Variants in NOMO3 observed in about 807,000 individuals in gnomAD.
NOMO3 encodes the protein BOS complex subunit NOMO3.
A neutral mutation model predicts 69.9 loss-of-function variants in NOMO3; 15 were observed. The ratio of observed to expected loss-of-function variants is 0.21; its 90% CI spans 0.14 to 0.33. The LOEUF (loss-of-function observed/expected upper bound fraction) is 0.33. Among genes scored for constraint, NOMO3 ranks in the 10% least tolerant of loss-of-function variants. The pLI, the probability that NOMO3 is intolerant of heterozygous loss-of-function variation, is 1.00. For missense variants in NOMO3, 218 were observed against 761.0 expected, an observed-to-expected ratio of 0.29 and a Z score of 8.39; for synonymous variants, 89 against 301.9, an observed-to-expected ratio of 0.29 and a Z score of 7.31.
In NOMO3 at chr16:16,232,584, G is replaced by A. The variant is rs1297551350; in HGVS notation, c.-83G>A. The A allele has an allele frequency of 1.3e-6, 1 of 798,166 alleles. No individual in the cohort carries two copies. Among genetic ancestry groups the A allele is most frequent in the East Asian group, 3.6e-5 (1 of 27,604 alleles). 49.4% of individuals were successfully genotyped at this position (798,166 alleles called of 1,614,324 possible). A position where few individuals can be genotyped will look rare whatever the true frequency, so the allele number is the denominator to read the frequency against. ...GGGGCCTGGGCTGTCAGCCGGCCTA[G>A]GAGGAGGAAGGAGCCTGCGGCGTGC... On this transcript the variant is annotated 5_prime_UTR_variant, in exon 1 of 31. Transcript: ENST00000399336.
intron 1 of NOMO3, among the ~76,000 whole-genome samples, chr16:16,235,091 A>G (rs1281396764): frequency 6.6e-6 from 1 of 151,588 alleles, no homozygotes; most frequent in East Asian, 1.9e-4. Context: ...TACCTAGAGT[A>G]AGCTAGACAC....
intron 3 of NOMO3, among the ~76,000 whole-genome samples, chr16:16,241,655 G>A (rs1318216499): frequency 2.7e-4 from 31 of 116,226 alleles, no homozygotes; most frequent in Middle Eastern, 3.9e-3. Context: ...TGATCTGCCC[G>A]CTTTGGCCTC....
At chr16:16,238,301 C>T (rs1183378427) in intron 2 of NOMO3, among the ~76,000 whole-genome samples, 2 of 135,816 alleles carry the variant, frequency 1.5e-5, no homozygotes, top group Non-Finnish European at 3.1e-5. Flanking sequence ...GGCGCGATCT[C>T]GGCTCACTGC....
rs1195074243 is a variant in NOMO3, at chr16:16,263,833, C to T, written c.1669+189C>T. 2.3e-4 allele frequency among the ~76,000 whole-genome samples: 9 copies of T among 39,466 alleles called. 1 individual carries two copies. The highest frequency in any genetic ancestry group is 9.7e-4 in the African/African-American group (9 of 9,308). The allele number at this position is 39,466 out of a possible 152,430, so 25.9% of individuals were successfully genotyped here. A position where few individuals can be genotyped will look rare whatever the true frequency, so the allele number is the denominator to read the frequency against. ...GGAGGAGTCCAGGCCCTGAGCTGACCGCCACCTTGTCTGCACAGCCCACTG... is the reference window on the plus strand; with the variant it reads ...GGAGGAGTCCAGGCCCTGAGCTGACTGCCACCTTGTCTGCACAGCCCACTG... On this transcript the variant is annotated intron_variant, in intron 14 of 30. Coordinates refer to ENST00000399336, the MANE Select transcript of NOMO3 (RefSeq NM_001004067.4).
chr16:16,260,330 A>T (rs150558605), intron 11 of NOMO3, among the ~76,000 whole-genome samples: 3,347 of 137,572 alleles, frequency 0.024, 124 homozygotes, highest in African/African-American at 0.033. Flanking sequence ...CTTTCTTTTG[A>T]TTTTTTTTTT....
intron 11 of NOMO3, among the ~76,000 whole-genome samples, chr16:16,257,923 G>T (rs1435637290): frequency 7.1e-6 from 1 of 140,856 alleles, no homozygotes; most frequent in Non-Finnish European, 1.5e-5. Context: ...AATTACTCTA[G>T]ATGAGGCACT....
At chr16:16,261,109 G>T in intron 11 of NOMO3, 1 of 217,744 alleles carries the variant, frequency 4.6e-6, no homozygotes, top group Non-Finnish European at 8.6e-6. Flanking sequence ...TAGAGCTCTT[G>T]CTTTTAAGGG....
intron 1 of NOMO3, among the ~76,000 whole-genome samples, chr16:16,234,302 G>A (rs2049308192): frequency 6.8e-6 from 1 of 146,844 alleles, no homozygotes; most frequent in Admixed American, 6.7e-5. Context: ...AGTTTCCAGG[G>A]GTTCTGGAAG....
intron 16 of NOMO3, chr16:16,267,445 CT>C: frequency 1.0e-5 from 4 of 384,306 alleles, no homozygotes; most frequent in East Asian, 7.4e-5. Context: ...TTTTCTCTTT[CT>C]TTTTTTGAGA....
At chr16:16,266,221 G>A (rs1244134231) in intron 15 of NOMO3, among the ~76,000 whole-genome samples, 1 of 135,782 alleles carries the variant, frequency 7.4e-6, no homozygotes, top group Non-Finnish European at 1.5e-5. Flanking sequence ...TGGAACTGGT[G>A]TTTCATGTGC....
chr16:16,252,729 A>G (rs2141253328), intron 9 of NOMO3, among the ~76,000 whole-genome samples: 1 of 94,036 alleles, frequency 1.1e-5, no homozygotes, highest in Non-Finnish European at 1.9e-5. Context: ...AATGAAATAT[A>G]TTTATTGATT....
chr16:16,236,497 C>G (rs1340563154), intron 1 of NOMO3, among the ~76,000 whole-genome samples: 1 of 144,184 alleles, frequency 6.9e-6, no homozygotes, highest in Admixed American at 6.8e-5. Flanking sequence ...ATCTGCCCAC[C>G]TCACCCTCCT....
intron 15 of NOMO3, 118 bp downstream of exon 15, chr16:16,265,297 C>G: frequency 6.4e-7 from 1 of 1,572,302 alleles, no homozygotes; most frequent in Admixed American, 1.7e-5. Flanking sequence ...TTTTCTGCCT[C>G]TGCACTCACC....
intron 2 of NOMO3, among the ~76,000 whole-genome samples, chr16:16,239,017 G>T (rs1387595746): frequency 4.3e-5 from 6 of 138,852 alleles, no homozygotes; most frequent in Non-Finnish European, 7.5e-5. Context: ...GACGGAGGTT[G>T]CAGTGAGCCA....
At chr16:16,263,320 C>T in intron 13 of NOMO3, 105 bp downstream of exon 13, 1 of 1,587,150 alleles carries the variant, frequency 6.3e-7, no homozygotes, top group Non-Finnish European at 8.5e-7. Context: ...TGCTACTGAT[C>T]ACCTGCGTGC....
chr16:16,245,459 TG>T (rs1179502880), intron 5 of NOMO3, among the ~76,000 whole-genome samples: 1 of 144,226 alleles, frequency 6.9e-6, no homozygotes. Context: ...GAGGCCAGTA[TG>T]GGAGGATCAC....
intron 18 of NOMO3, among the ~76,000 whole-genome samples, chr16:16,272,178 T>C (rs2049661409): frequency 1.2e-5 from 1 of 84,068 alleles, no homozygotes; most frequent in Non-Finnish European, 2.2e-5. Context: ...TGTTACCTCC[T>C]TTCAGCTTGA....
rs573989552 is a variant in NOMO3, at chr16:16,252,258, C to T, written c.873+158C>T. On this transcript the variant is annotated intron_variant, in intron 8 of 30. Transcript: ENST00000399336. ...ACTTAAGATGAGACACTCACCCCTTCGTAATAGCTACAAAAAGGGCAAGGC... is the reference window on the plus strand; with the variant it reads ...ACTTAAGATGAGACACTCACCCCTTTGTAATAGCTACAAAAAGGGCAAGGC... Among the ~76,000 whole-genome samples, 987 of 143,700 alleles carry T rather than the reference C, an allele frequency of 6.9e-3. 191 individuals are homozygous for T. Among genetic ancestry groups the T allele is most frequent in the African/African-American group, 0.025 (892 of 35,048 alleles). 94.3% of individuals were successfully genotyped at this position (143,700 alleles called of 152,430 possible).
intron 1 of NOMO3, chr16:16,235,832 A>C (rs887208931): frequency 2.3e-6 from 1 of 442,702 alleles, no homozygotes. Context: ...CTTTGAATCC[A>C]TATTCTGTAG....
Sources: allele counts gnomAD v4.1 joint callset (sites outside exome capture counted in the v4.1 genomes callset), GRCh38; gene constraint gnomAD v4.1.1; transcripts MANE v1.5; gene names NCBI Gene and HGNC (gene_info 2026-07-23, HGNC 2026-07-21).